USP48: variants seen among roughly 807,000 people sequenced by gnomAD.
USP48 encodes the protein ubiquitin carboxyl-terminal hydrolase 48.
USP48 carries 43 observed loss-of-function variants against 150.7 expected under a neutral mutation model. The observed-to-expected ratio is 0.29, with a 90% CI of 0.22 to 0.37. USP48 has a LOEUF of 0.37. USP48 is among the 10% of genes least tolerant of loss of function. USP48 has a pLI of 1.00. For missense variants in USP48, 813 were observed against 1,249.6 expected (o/e 0.65, Z 5.27); for synonymous variants, 396 against 425.9 (o/e 0.93, Z 0.86).
rs147980102 is a variant in USP48, at chr1:21,737,330, T to C, written c.992-705A>G. ...ATAAAAACAGGTGTAGGCCAAACAG[T>C]TGGAAAATATAGGGATGAAAACTTA... is the stretch of plus-strand genomic sequence containing the variant. On this transcript the variant is annotated intron_variant, in intron 8 of 26. Transcript: ENST00000308271. Among the ~76,000 whole-genome samples the C allele has an allele frequency of 1.9e-3, 288 of 152,324 alleles. 1 individual carries two copies. The highest frequency in any genetic ancestry group is 3.5e-3 in the Non-Finnish European group (241 of 68,018).
At chr1:21,699,192 A>ATTTTTTTTT (rs71016932) in intron 22 of USP48, among the ~76,000 whole-genome samples, 1 of 63,612 alleles carries the variant, frequency 1.6e-5, no homozygotes, top group Non-Finnish European at 3.1e-5. Context: ...ACCACACCTA[A>ATTTTTTTTT]TTTTTTTTTT....
intron 1 of USP48, chr1:21,781,957 C>G (rs1025523189): frequency 6.6e-6 from 1 of 152,182 alleles, no homozygotes; most frequent in Non-Finnish European, 1.5e-5. Flanking sequence ...ACTTCTCATA[C>G]TAGACTTTAA....
chr1:21,773,992 ACTGG>A (rs1488731628), intron 1 of USP48, among the ~76,000 whole-genome samples: 1 of 151,970 alleles, frequency 6.6e-6, no homozygotes, highest in African/African-American at 2.4e-5. Flanking sequence ...AAACTATGTA[ACTGG>A]CTGGGTGTGG....
intron 26 of USP48, 111 bp from the exon 27 acceptor site, chr1:21,679,550 G>T: frequency 7.5e-7 from 1 of 1,326,414 alleles, no homozygotes; most frequent in Non-Finnish European, 1.1e-6. Flanking sequence ...TTTAATAAAT[G>T]AACACAGTCG....
chr1:21,721,479 C>T (rs1571855591), intron 13 of USP48, among the ~76,000 whole-genome samples, 171 bp downstream of exon 13: 1 of 152,174 alleles, frequency 6.6e-6, no homozygotes, highest in Non-Finnish European at 1.5e-5. Context: ...TTTATCGTTG[C>T]CACAGGGGCA....
chr1:21,705,469 G>A (rs1165976286), intron 19 of USP48, among the ~76,000 whole-genome samples: 1 of 152,148 alleles, frequency 6.6e-6, no homozygotes, highest in Admixed American at 6.5e-5. Context: ...AGCAGCGGGG[G>A]AAGAGAAAGG....
chr1:21,760,719 AAAAAAT>A (rs955629723), intron 1 of USP48, among the ~76,000 whole-genome samples: 2 of 152,172 alleles, frequency 1.3e-5, no homozygotes, highest in African/African-American at 4.8e-5. Context: ...TCTATCTCAA[AAAAAAT>A]AAAAATAAAA....
At chr1:21,724,133 T>C (rs1045139641) in intron 11 of USP48, 38 bp from the exon 12 acceptor site, 1 of 1,597,794 alleles carries the variant, frequency 6.3e-7, no homozygotes, top group Non-Finnish European at 8.6e-7. Context: ...TATGTATTTT[T>C]ACAGTTTTTT....
intron 23 of USP48, among the ~76,000 whole-genome samples, chr1:21,694,572 CAAAAAAAAA>C (rs1204062748): frequency 4.2e-4 from 5 of 12,022 alleles, no homozygotes; most frequent in South Asian, 0.014. Flanking sequence ...TCTGTCTCAC[CAAAAAAAAA>C]AAAAAAAAAA....
At chr1:21,703,452 A>C in intron 21 of USP48, 60 bp downstream of exon 21, 1 of 1,368,604 alleles carries the variant, frequency 7.3e-7, no homozygotes, top group Non-Finnish European at 1.0e-6. Flanking sequence ...ATACAACAGC[A>C]AATCAAGCCA....
At chr1:21,735,176 C>T (rs1402620607) in intron 9 of USP48, among the ~76,000 whole-genome samples, 1 of 152,228 alleles carries the variant, frequency 6.6e-6, no homozygotes, top group Non-Finnish European at 1.5e-5. Context: ...TGATCCTCCC[C>T]TACCCACTTA....
At chr1:21,698,202 C>G (rs1226621867) in intron 22 of USP48, among the ~76,000 whole-genome samples, 2 of 152,046 alleles carry the variant, frequency 1.3e-5, no homozygotes, top group Non-Finnish European at 2.9e-5. Context: ...ACTATCTATT[C>G]TTTTCCAAAG....
chr1:21,748,536 C>A (rs1477587090), intron 6 of USP48, among the ~76,000 whole-genome samples: 1 of 152,188 alleles, frequency 6.6e-6, no homozygotes, highest in African/African-American at 2.4e-5. Context: ...GGTTCTTTGT[C>A]CTGGTAATCC....
intron 1 of USP48, among the ~76,000 whole-genome samples, chr1:21,772,578 G>A (rs1157537377): frequency 6.7e-6 from 1 of 149,446 alleles, no homozygotes; most frequent in Admixed American, 6.7e-5. Flanking sequence ...AGCCGAGATC[G>A]CGCCACTGCA....
chr1:21,767,366 G>C (rs556139038), intron 1 of USP48, among the ~76,000 whole-genome samples: 1 of 152,192 alleles, frequency 6.6e-6, no homozygotes, highest in African/African-American at 2.4e-5. Context: ...GCCCAGGCTA[G>C]AGTGCAGTGG....
At chr1:21,778,441 G>A (rs966347534) in intron 1 of USP48, among the ~76,000 whole-genome samples, 8 of 151,702 alleles carry the variant, frequency 5.3e-5, no homozygotes, top group South Asian at 2.1e-4. Context: ...GTAAAATAGC[G>A]CAGCCACTCT....
chr1:21,711,083 A>G (rs962181091), intron 15 of USP48, among the ~76,000 whole-genome samples: 2 of 152,064 alleles, frequency 1.3e-5, no homozygotes, highest in Non-Finnish European at 1.5e-5. Flanking sequence ...ACCACACCAA[A>G]GGAATTATTT....
At chr1:21,700,703 G>A (rs1167641049) in intron 22 of USP48, among the ~76,000 whole-genome samples, 1 of 152,158 alleles carries the variant, frequency 6.6e-6, no homozygotes, top group Non-Finnish European at 1.5e-5. Context: ...CCTCCAATGT[G>A]GGGGTCTGAC....
intron 8 of USP48, among the ~76,000 whole-genome samples, chr1:21,744,123 T>C (rs1481191340): frequency 1.3e-5 from 2 of 152,200 alleles, no homozygotes; most frequent in African/African-American, 4.8e-5. Flanking sequence ...CCTGGATTTA[T>C]ATTCATCAAT....
Sources: allele counts gnomAD v4.1 joint callset (sites outside exome capture counted in the v4.1 genomes callset), GRCh38; gene constraint gnomAD v4.1.1; transcripts MANE v1.5; gene names NCBI Gene and HGNC (gene_info 2026-07-23, HGNC 2026-07-21).